Variants in CSF2RA observed in about 807,000 individuals in gnomAD.
CSF2RA encodes the protein colony stimulating factor 2 receptor subunit alpha.
In CSF2RA, 42 loss-of-function variants were observed where a neutral mutation model predicts 51.6. The ratio of observed to expected loss-of-function variants is 0.81; its 90% confidence interval spans 0.64 to 1.05. The LOEUF (loss-of-function observed/expected upper bound fraction) is 1.05. Ranked by LOEUF, CSF2RA falls within the 50% of genes least tolerant of loss-of-function variation. The probability of loss-of-function intolerance (pLI) is 0.00; values close to 1 mark genes in which losing one functional copy is unlikely to be tolerated. For synonymous variants in CSF2RA, 222 were observed against 193.0 expected (o/e 1.15, Z -1.24); for missense variants, 530 against 501.1 (o/e 1.06, Z -0.55).
In CSF2RA at chrX:1,282,239, A is replaced by G. The variant is rs558538843; in HGVS notation, c.-26-439A>G. ...AAAAAAAGTACAAAAGAGCAAAACA[A>G]AACAAAAGTTATGAAAATGAAAACC... is the stretch of plus-strand genomic sequence containing the variant. On this transcript the variant is annotated intron_variant, in intron 2 of 12. Coordinates refer to ENST00000381529, the MANE Select transcript of CSF2RA (RefSeq NM_172245.4). 26 of 190,264 alleles carry G rather than the reference A, an allele frequency of 1.4e-4. 1 individual carries two copies. The highest frequency in any genetic ancestry group is 5.9e-4 in the African/African-American group (25 of 42,732). The allele number at this position is 190,264 out of a possible 1,614,324, so 11.8% of individuals were successfully genotyped here. A position where few individuals can be genotyped will look rare whatever the true frequency, so the allele number is the denominator to read the frequency against.
the CSF2RA span, among the ~76,000 whole-genome samples, chrX:1,316,049 T>C: frequency 7.1e-6 from 1 of 140,558 alleles, no homozygotes; most frequent in African/African-American, 3.2e-5. Flanking sequence ...AATAGACAGA[T>C]AGATAGATCA....
Position 1,286,040 on chromosome X carries a change from A to T in CSF2RA, c.219+120A>T, listed in dbSNP as rs1169065244. 2.0e-5 allele frequency: 22 copies of T among 1,093,362 alleles called. No individual in the cohort carries two copies. The Admixed American group carries it at 3.6e-4, about 18-fold the overall frequency. 67.7% of individuals were successfully genotyped at this position (1,093,362 alleles called of 1,614,324 possible). ...GTCATCCCAGCACTTTGGGAGGCTG[A>T]GGTGGGCGGATCACCTGAGGTCGGG... On this transcript the variant is annotated intron_variant, in intron 4 of 12. Transcript: ENST00000381529.
rs138141443 is a variant in CSF2RA at position 1,302,763 on chromosome X, G to A, written c.947-1160G>A. 2,303 of 311,968 alleles carry A rather than the reference G, an allele frequency of 7.4e-3. 74 individuals carry two copies. The highest frequency in any genetic ancestry group is 0.05 in the African/African-American group (2,199 of 43,606). 19.3% of individuals were successfully genotyped at this position (311,968 alleles called of 1,614,324 possible). A position where few individuals can be genotyped will look rare whatever the true frequency, so the allele number is the denominator to read the frequency against. On this transcript the variant is annotated intron_variant, in intron 10 of 12. Coordinates refer to ENST00000381529, the MANE Select transcript of CSF2RA (RefSeq NM_172245.4). ...GGCTGGAGTTCAATGGCACGATCTT[G>A]GCTCACTGCAACCTCCGTCTCCCAG...
chrX:1,292,638 C>G (rs28497651), intron 7 of CSF2RA, among the ~76,000 whole-genome samples: 1 of 151,942 alleles, frequency 6.6e-6, no homozygotes, highest in African/African-American at 2.4e-5. Context: ...TCCACACAAA[C>G]ATCAGTGTAG....
chrX:1,288,992 TG>T, intron 6 of CSF2RA, 104 bp downstream of exon 6: 1 of 1,502,306 alleles, frequency 6.7e-7, no homozygotes, highest in East Asian at 2.3e-5. Flanking sequence ...GACATGGTCT[TG>T]CTCTGTTGCC....
intron 1 of CSF2RA, among the ~76,000 whole-genome samples, chrX:1,270,032 C>T (rs2088167811): frequency 6.6e-6 from 1 of 151,874 alleles, no homozygotes; most frequent in Non-Finnish European, 1.5e-5. Context: ...TCGCTTGAAC[C>T]CGGGAGGCGG....
intron 10 of CSF2RA, among the ~76,000 whole-genome samples, chrX:1,302,065 C>T (rs1432744223): frequency 3.3e-5 from 5 of 150,922 alleles, no homozygotes; most frequent in South Asian, 2.1e-4. Context: ...TACAGGCGCC[C>T]GCCACCACAC....
chrX:1,279,520 A>C (rs1167277033), intron 2 of CSF2RA, among the ~76,000 whole-genome samples: 2 of 151,898 alleles, frequency 1.3e-5, no homozygotes, highest in African/African-American at 4.8e-5. Context: ...AGGCCCACCC[A>C]GACAGAACAT....
the CSF2RA span, among the ~76,000 whole-genome samples, chrX:1,325,055 C>G: frequency 6.6e-6 from 1 of 151,758 alleles, no homozygotes; most frequent in Admixed American, 6.6e-5. Flanking sequence ...ACCTGGTGCC[C>G]CGTCCTGAGT....
chrX:1,321,349 G>A, the CSF2RA span, among the ~76,000 whole-genome samples: 6 of 151,996 alleles, frequency 3.9e-5, no homozygotes, highest in Non-Finnish European at 7.4e-5. Context: ...AGCTCCTGTA[G>A]TCCCAGCTAC....
downstream of CSF2RA, among the ~76,000 whole-genome samples, chrX:1,312,541 T>C (rs1227847537): frequency 3.9e-5 from 6 of 152,166 alleles, no homozygotes; most frequent in African/African-American, 1.4e-4. Context: ...TTTGGGGCCA[T>C]TATTCTGTCT....
intron 2 of CSF2RA, among the ~76,000 whole-genome samples, chrX:1,275,185 G>C (rs1276975635): frequency 1.3e-5 from 2 of 151,792 alleles, no homozygotes; most frequent in Non-Finnish European, 2.9e-5. Context: ...GAGGTCAGGA[G>C]TTCCAGACCA....
chrX:1,309,184 G>A (rs770845332), intron 12 of CSF2RA, among the ~76,000 whole-genome samples: 21 of 152,196 alleles, frequency 1.4e-4, no homozygotes, highest in East Asian at 7.7e-4. Context: ...TTGTGGTGGC[G>A]GGCGCCTGTA....
At chrX:1,270,709 G>C (rs755339797) in intron 1 of CSF2RA, among the ~76,000 whole-genome samples, 2 of 151,446 alleles carry the variant, frequency 1.3e-5, no homozygotes, top group African/African-American at 4.9e-5. Context: ...TCCAGGGAAT[G>C]CTGCCCAGCC....
At chrX:1,289,631 T>C (rs1262642256) in intron 6 of CSF2RA, among the ~76,000 whole-genome samples, 3 of 151,930 alleles carry the variant, frequency 2.0e-5, no homozygotes, top group Non-Finnish European at 4.4e-5. Context: ...TTGTTTTGTG[T>C]TTTGTTTTGT....
chrX:1,322,499 T>C, the CSF2RA span, among the ~76,000 whole-genome samples: 1 of 150,624 alleles, frequency 6.6e-6, no homozygotes, highest in African/African-American at 2.4e-5. Flanking sequence ...TAAGTATCTT[T>C]TTCTTTCTCA....
At chrX:1,314,007 TA>T (rs1365386277), downstream of CSF2RA, among the ~76,000 whole-genome samples, 7 of 151,148 alleles carry the variant, frequency 4.6e-5, no homozygotes, top group African/African-American at 1.7e-4. Flanking sequence ...AATGAATAAA[TA>T]AAATAAAATT....
intron 10 of CSF2RA, among the ~76,000 whole-genome samples, chrX:1,301,898 G>GC (rs1304618215): frequency 2.1e-5 from 3 of 144,308 alleles, no homozygotes; most frequent in Admixed American, 7.1e-5. Flanking sequence ...GAGCCACCGT[G>GC]CCCGGCCCTC....
intron 7 of CSF2RA, among the ~76,000 whole-genome samples, chrX:1,292,915 G>A (rs747560053): frequency 1.3e-5 from 2 of 152,218 alleles, no homozygotes; most frequent in East Asian, 1.9e-4. Flanking sequence ...CTGTCTCAGT[G>A]GGGGGAACCC....
Sources: gnomAD v4.1 joint callset for allele counts (sites outside exome capture counted in the v4.1 genomes callset) on GRCh38, gnomAD v4.1.1 for gene constraint, MANE v1.5 for transcripts, NCBI Gene and HGNC (gene_info 2026-07-23, HGNC 2026-07-21) for gene names.